SHISA9: variants seen among roughly 807,000 people sequenced by gnomAD.
The protein encoded by SHISA9 is protein shisa-9.
SHISA9 carries 13 observed loss-of-function variants against 38.0 expected under a neutral mutation model. That is an observed-to-expected ratio of 0.34 (90% CI 0.22 to 0.54). SHISA9 has a LOEUF of 0.54. SHISA9 is among the 20% of genes least tolerant of loss of function. The pLI, the probability that SHISA9 is intolerant of heterozygous loss-of-function variation, is 0.91. For missense variants in SHISA9, 538 were observed against 575.8 expected, an observed-to-expected ratio of 0.93 and a Z score of 0.67; for synonymous variants, 275 against 242.0, an observed-to-expected ratio of 1.14 and a Z score of -1.27.
the SHISA9 span, among the ~76,000 whole-genome samples, chr16:13,367,939 G>T: frequency 1.3e-5 from 2 of 151,500 alleles, no homozygotes; most frequent in Non-Finnish European, 2.9e-5. Context: ...AAATTTTAGG[G>T]TACATGTGCA....
chr16:13,266,841 C>G, the SHISA9 span, among the ~76,000 whole-genome samples: 1 of 151,996 alleles, frequency 6.6e-6, no homozygotes, highest in Non-Finnish European at 1.5e-5. Flanking sequence ...TGACAACAAG[C>G]GGTGGGGAAG....
intron 2 of SHISA9, among the ~76,000 whole-genome samples, chr16:13,198,439 C>T (rs1269931570): frequency 6.6e-6 from 1 of 152,104 alleles, no homozygotes; most frequent in African/African-American, 2.4e-5. Flanking sequence ...CACACACGTA[C>T]ACACATGCAT....
At chr16:12,957,251 T>C (rs181241694) in intron 2 of SHISA9, among the ~76,000 whole-genome samples, 62 of 152,352 alleles carry the variant, frequency 4.1e-4, no homozygotes, top group Non-Finnish European at 7.8e-4. Context: ...TCTACAAGCA[T>C]AGGGCTTGGA....
intron 2 of SHISA9, among the ~76,000 whole-genome samples, chr16:13,048,361 G>C (rs866150888): frequency 2.0e-5 from 3 of 152,172 alleles, no homozygotes; most frequent in South Asian, 4.1e-4. Context: ...GCAAATCCAG[G>C]CATCTCTTGA....
chr16:13,352,921 G>T, the SHISA9 span, among the ~76,000 whole-genome samples: 1 of 152,146 alleles, frequency 6.6e-6, no homozygotes, highest in African/African-American at 2.4e-5. Flanking sequence ...AATGTCATCA[G>T]TTAAGGTGGG....
At chr16:13,307,554 T>C in the SHISA9 span, among the ~76,000 whole-genome samples, 6 of 152,304 alleles carry the variant, frequency 3.9e-5, no homozygotes, top group East Asian at 1.9e-4. Context: ...ACATGACTAA[T>C]TGGTTGTCCA....
intron 2 of SHISA9, among the ~76,000 whole-genome samples, chr16:13,116,810 C>T (rs1000214630): frequency 1.3e-5 from 2 of 152,066 alleles, no homozygotes; most frequent in East Asian, 1.9e-4. Flanking sequence ...AACACAACCT[C>T]GAAGACTACT....
the SHISA9 span, among the ~76,000 whole-genome samples, chr16:13,389,810 G>A: frequency 2.6e-5 from 4 of 152,182 alleles, no homozygotes; most frequent in Non-Finnish European, 5.9e-5. Flanking sequence ...CGATTGTCCT[G>A]GAAAATCACA....
chr16:12,961,026 G>T (rs1604309), intron 2 of SHISA9, among the ~76,000 whole-genome samples: 3 of 151,540 alleles, frequency 2.0e-5, no homozygotes, highest in African/African-American at 4.9e-5. Context: ...TGTAACATGT[G>T]GGGGGGATGA....
At chr16:13,550,915 C>T in the SHISA9 span, among the ~76,000 whole-genome samples, 8 of 151,918 alleles carry the variant, frequency 5.3e-5, no homozygotes, top group Non-Finnish European at 7.4e-5. Context: ...AAAGGTCAGG[C>T]GTTCGAGACC....
chr16:12,914,621 C>T (rs1332648876), intron 1 of SHISA9, among the ~76,000 whole-genome samples: 1 of 152,142 alleles, frequency 6.6e-6, no homozygotes. Flanking sequence ...TTGTGAGAAG[C>T]ATGTGCACTA....
intron 2 of SHISA9, among the ~76,000 whole-genome samples, chr16:13,166,888 G>A (rs956550464): frequency 2.0e-5 from 3 of 151,886 alleles, no homozygotes; most frequent in African/African-American, 2.4e-5. Flanking sequence ...TAATACCTAC[G>A]TGATGGGTCG....
chr16:13,214,836 A>G (rs2051152210), intron 4 of SHISA9, among the ~76,000 whole-genome samples: 1 of 152,144 alleles, frequency 6.6e-6, no homozygotes, highest in African/African-American at 2.4e-5. Context: ...ACCCACCTCC[A>G]TAATTCAATC....
At chr16:13,539,890 C>CACCA in the SHISA9 span, among the ~76,000 whole-genome samples, 2 of 151,800 alleles carry the variant, frequency 1.3e-5, no homozygotes, top group Non-Finnish European at 2.9e-5. Flanking sequence ...AGATAATGGC[C>CACCA]ACCAGCTTCA....
chr16:13,006,459 G>T (rs1331909437), intron 2 of SHISA9, among the ~76,000 whole-genome samples: 1 of 152,152 alleles, frequency 6.6e-6, no homozygotes, highest in African/African-American at 2.4e-5. Context: ...AGGACAAAGA[G>T]GATGCCAGTG....
At chr16:13,260,145 T>C in the SHISA9 span, among the ~76,000 whole-genome samples, 12,156 of 149,716 alleles carry the variant, frequency 0.081, 569 homozygotes, top group South Asian at 0.18. Flanking sequence ...GCCTGCCGAG[T>C]AGCTTAGACT....
the SHISA9 span, among the ~76,000 whole-genome samples, chr16:13,345,988 A>G: frequency 6.6e-6 from 1 of 152,114 alleles, no homozygotes; most frequent in African/African-American, 2.4e-5. Context: ...AATTTCTGTA[A>G]GTTTAAGGGG....
intron 2 of SHISA9, among the ~76,000 whole-genome samples, chr16:13,166,125 T>C (rs1280450409): frequency 6.6e-6 from 1 of 152,218 alleles, no homozygotes; most frequent in East Asian, 1.9e-4. Context: ...TCTGTTTTAT[T>C]AACTTCCATT....
the SHISA9 span, among the ~76,000 whole-genome samples, chr16:13,363,476 G>C: frequency 6.6e-6 from 1 of 152,180 alleles, no homozygotes; most frequent in Non-Finnish European, 1.5e-5. Context: ...GAGGTGGAGA[G>C]GATGGTATTA....
Sources: allele counts gnomAD v4.1 joint callset (sites outside exome capture counted in the v4.1 genomes callset), GRCh38; gene constraint gnomAD v4.1.1; transcripts MANE v1.5; gene names NCBI Gene and HGNC (gene_info 2026-07-23, HGNC 2026-07-21).